Variants in ATP9B observed in about 807,000 individuals in gnomAD.
ATP9B encodes the protein ATPase phospholipid transporting 9B.
Under a neutral mutation model 146.1 loss-of-function variants are expected in ATP9B, and 110 were observed. The ratio of observed to expected loss-of-function variants is 0.75; its 90% CI spans 0.65 to 0.88. ATP9B has a LOEUF of 0.88. Ranked by LOEUF, ATP9B falls within the 40% of genes least tolerant of loss-of-function variation. The pLI is 0.00. For synonymous variants in ATP9B, 604 were observed against 569.7 expected (o/e 1.06, Z -0.86); for missense variants, 1,499 against 1,496.4 (o/e 1.00, Z -0.03).
intron 17 of ATP9B, 129 bp downstream of exon 17, chr18:79,330,233 C>T: frequency 3.6e-6 from 3 of 832,760 alleles, no homozygotes; most frequent in African/African-American, 1.7e-5. Context: ...ATATCCTTTC[C>T]CCAGCTTGCA....
chr18:79,106,887 T>C (rs865821834), intron 2 of ATP9B, among the ~76,000 whole-genome samples: 24 of 152,246 alleles, frequency 1.6e-4, no homozygotes, highest in African/African-American at 5.5e-4. Flanking sequence ...GCTCATGTTA[T>C]GCAGACAGTG....
At chr18:79,213,014 G>A (rs1039122630) in intron 10 of ATP9B, among the ~76,000 whole-genome samples, 2 of 152,128 alleles carry the variant, frequency 1.3e-5, no homozygotes, top group Non-Finnish European at 1.5e-5. Flanking sequence ...CAAGGTTCAC[G>A]AAAAGCCGGG....
intron 11 of ATP9B, among the ~76,000 whole-genome samples, chr18:79,230,274 C>T (rs2095778681): frequency 1.3e-5 from 2 of 152,290 alleles, no homozygotes; most frequent in Admixed American, 1.3e-4. Flanking sequence ...GGAAGTCACA[C>T]TGTCACTGTT....
chr18:79,371,328 T>G (rs1415518842), intron 26 of ATP9B, among the ~76,000 whole-genome samples: 1 of 133,398 alleles, frequency 7.5e-6, no homozygotes, highest in Non-Finnish European at 1.5e-5. Context: ...GCCAAGATCG[T>G]GCCATTGCAC....
In ATP9B at chr18:79,204,986, CA is replaced by C. The variant is rs1177075039; in HGVS notation, c.955-1948del. Among the ~76,000 whole-genome samples, 6 of 152,270 alleles carry C rather than the reference CA, an allele frequency of 3.9e-5. No individual in the cohort carries two copies. The East Asian group carries it at 9.7e-4, about 25-fold the overall frequency. ...CCCAGCATCATAGCCTTCATTCTCC[CA>C]AAGGCTCAGACGCTAAGGTCAGTCT... On this transcript the variant is annotated intron_variant, in intron 9 of 29. Coordinates refer to ENST00000426216, the MANE Select transcript of ATP9B (RefSeq NM_198531.5).
chr18:79,221,550 C>T (rs2095677163), intron 11 of ATP9B, among the ~76,000 whole-genome samples: 1 of 152,144 alleles, frequency 6.6e-6, no homozygotes, highest in African/African-American at 2.4e-5. Flanking sequence ...GCAAAATGCC[C>T]TCTTTACAAA....
intron 9 of ATP9B, among the ~76,000 whole-genome samples, chr18:79,205,924 G>A (rs530574801): frequency 2.6e-4 from 39 of 151,886 alleles, no homozygotes; most frequent in Non-Finnish European, 1.0e-4. Flanking sequence ...AGAATATTTC[G>A]TGTAATAACA....
chr18:79,308,788 A>C (rs2096634231), intron 15 of ATP9B, among the ~76,000 whole-genome samples: 2 of 104,438 alleles, frequency 1.9e-5, no homozygotes, highest in African/African-American at 9.1e-5. Flanking sequence ...GGGGCTGAGG[A>C]GTGATCCCCA....
intron 12 of ATP9B, 72 bp downstream of exon 12, chr18:79,253,613 CA>C: frequency 7.0e-7 from 1 of 1,434,182 alleles, no homozygotes; most frequent in Admixed American, 2.5e-5. Context: ...TTATCTTTCT[CA>C]GTATGAAAGA....
chr18:79,200,789 G>GGGGACGGTCGGGGTCAGAGCA (rs1244770040), intron 9 of ATP9B, among the ~76,000 whole-genome samples: 1 of 79,122 alleles, frequency 1.3e-5, no homozygotes, highest in African/African-American at 5.1e-5. Context: ...AAGTAGTGGT[G>GGGGACGGTCGGGGTCAGAGCA]GAATTGTTTT....
At chr18:79,196,390 G>A (rs1050815049) in intron 9 of ATP9B, among the ~76,000 whole-genome samples, 4 of 152,190 alleles carry the variant, frequency 2.6e-5, no homozygotes, top group Non-Finnish European at 4.4e-5. Flanking sequence ...AACAGTGGAG[G>A]GAGGATGGGT....
At chr18:79,354,745 G>A (rs910919071) in intron 25 of ATP9B, among the ~76,000 whole-genome samples, 1 of 152,146 alleles carries the variant, frequency 6.6e-6, no homozygotes, top group African/African-American at 2.4e-5. Context: ...GGGCGAGGCG[G>A]CAGGAGCTCC....
At chr18:79,217,286 G>A (rs764398525) in intron 11 of ATP9B, among the ~76,000 whole-genome samples, 8 of 152,206 alleles carry the variant, frequency 5.3e-5, no homozygotes, top group Non-Finnish European at 7.3e-5. Context: ...CCGAGTTCAC[G>A]CCATTCTCCT....
At chr18:79,296,720 A>G (rs1362334630) in intron 13 of ATP9B, among the ~76,000 whole-genome samples, 46 of 152,204 alleles carry the variant, frequency 3.0e-4, no homozygotes, top group Non-Finnish European at 2.9e-5. Context: ...GCTCGTTATC[A>G]TTATTCTTTT....
intron 1 of ATP9B, among the ~76,000 whole-genome samples, chr18:79,070,801 A>G (rs534300923): frequency 2.6e-5 from 4 of 151,838 alleles, no homozygotes; most frequent in Admixed American, 2.0e-4. Context: ...TCTTTATTAG[A>G]TATTGATGTC....
chr18:79,235,931 C>T (rs557603472), intron 11 of ATP9B, among the ~76,000 whole-genome samples: 1 of 152,214 alleles, frequency 6.6e-6, no homozygotes, highest in Admixed American at 6.5e-5. Flanking sequence ...GGGCTTTTTG[C>T]TCTTAGGAAT....
chr18:79,305,950 G>T (rs2096618011), intron 14 of ATP9B, among the ~76,000 whole-genome samples: 1 of 152,220 alleles, frequency 6.6e-6, no homozygotes, highest in Non-Finnish European at 1.5e-5. Flanking sequence ...TGGAATTTGT[G>T]TGAAATTAAA....
At chr18:79,277,752 A>G (rs1416906094) in intron 13 of ATP9B, among the ~76,000 whole-genome samples, 3 of 152,224 alleles carry the variant, frequency 2.0e-5, no homozygotes, top group African/African-American at 7.2e-5. Context: ...ATTAAAGACA[A>G]ACAATTGGAA....
At chr18:79,146,864 A>G (rs541546620) in intron 6 of ATP9B, 2 of 152,738 alleles carry the variant, frequency 1.3e-5, no homozygotes, top group South Asian at 4.1e-4. Context: ...AACTGAAAAC[A>G]AATAATAAAA....
Sources: allele counts gnomAD v4.1 joint callset (sites outside exome capture counted in the v4.1 genomes callset), GRCh38; gene constraint gnomAD v4.1.1; transcripts MANE v1.5; gene names NCBI Gene and HGNC (gene_info 2026-07-23, HGNC 2026-07-21).